AATF: variants seen among roughly 807,000 people sequenced by gnomAD.
The protein encoded by AATF is protein AATF.
AATF carries 48 observed loss-of-function variants against 63.7 expected under a neutral mutation model. That is an observed-to-expected ratio of 0.75 (90% CI 0.60 to 0.96). The LOEUF (loss-of-function observed/expected upper bound fraction) is 0.96, where lower values mean the gene tolerates loss of function less well. Ranked by LOEUF, AATF falls within the 40% of genes least tolerant of loss-of-function variation. The pLI is 0.00. For synonymous variants in AATF, 258 were observed against 247.7 expected, an observed-to-expected ratio of 1.04 and a Z score of -0.39; for missense variants, 639 against 685.7, an observed-to-expected ratio of 0.93 and a Z score of 0.76.
chr17:37,019,923 ACATTTAT>A (rs984271399), intron 9 of AATF, among the ~76,000 whole-genome samples: 1 of 152,194 alleles, frequency 6.6e-6, no homozygotes, highest in African/African-American at 2.4e-5. Context: ...ATTATATTGT[ACATTTAT>A]CTGACTTTAC....
chr17:36,985,296 C>T (rs1190099612), intron 4 of AATF, among the ~76,000 whole-genome samples: 1 of 151,856 alleles, frequency 6.6e-6, no homozygotes, highest in African/African-American at 2.4e-5. Flanking sequence ...AGGGTCTCAC[C>T]TTCACTCTAT....
At chr17:37,020,267 A>G (rs2071459069) in intron 9 of AATF, among the ~76,000 whole-genome samples, 1 of 152,014 alleles carries the variant, frequency 6.6e-6, no homozygotes, top group African/African-American at 2.4e-5. Flanking sequence ...CTGACTGAAT[A>G]TTTGATAATA....
intron 4 of AATF, among the ~76,000 whole-genome samples, chr17:36,958,422 C>T (rs2142208703): frequency 6.6e-6 from 1 of 152,284 alleles, no homozygotes. Flanking sequence ...ACCTTGGCCT[C>T]TCAAAGTGCT....
At chr17:36,978,081 T>C (rs1343480637) in intron 4 of AATF, among the ~76,000 whole-genome samples, 1 of 152,178 alleles carries the variant, frequency 6.6e-6, no homozygotes, top group Non-Finnish European at 1.5e-5. Context: ...TCCACAGAAC[T>C]CAAATGCACA....
intron 8 of AATF, among the ~76,000 whole-genome samples, chr17:37,011,645 C>G (rs2071391883): frequency 6.6e-6 from 1 of 151,932 alleles, no homozygotes; most frequent in African/African-American, 2.4e-5. Context: ...TAATGGCTGG[C>G]TAGAGGGGCT....
chr17:37,034,926 C>T (rs1488508972), intron 11 of AATF: 1 of 151,684 alleles, frequency 6.6e-6, no homozygotes, highest in Non-Finnish European at 1.5e-5. Flanking sequence ...GAGATCAAGA[C>T]CATCCTGGCT....
chr17:37,038,733 C>G (rs576981713), intron 11 of AATF, among the ~76,000 whole-genome samples: 5 of 152,178 alleles, frequency 3.3e-5, no homozygotes, highest in Admixed American at 3.3e-4. Context: ...AATTTTAGCT[C>G]CCTGTTCTCT....
At chr17:36,960,496 A>G (rs1205688986) in intron 4 of AATF, among the ~76,000 whole-genome samples, 3 of 152,248 alleles carry the variant, frequency 2.0e-5, no homozygotes, top group East Asian at 1.9e-4. Flanking sequence ...ACTAAAGACT[A>G]TATATACAGT....
chr17:36,998,689 G>C (rs1405990614), intron 8 of AATF: 1 of 152,112 alleles, frequency 6.6e-6, no homozygotes, highest in Non-Finnish European at 1.5e-5. Flanking sequence ...GGAGTTCAAG[G>C]CCAGCCTGGA....
intron 8 of AATF, among the ~76,000 whole-genome samples, chr17:37,016,699 T>C (rs1413694708): frequency 2.0e-5 from 3 of 152,090 alleles, no homozygotes; most frequent in Non-Finnish European, 4.4e-5. Context: ...CTTCAGCCAA[T>C]ATCTCAAATC....
chr17:36,996,603 T>C (rs1183439725), intron 8 of AATF, among the ~76,000 whole-genome samples: 1 of 152,214 alleles, frequency 6.6e-6, no homozygotes, highest in East Asian at 1.9e-4. Context: ...AAGAATGTTA[T>C]TGGAACTGCA....
chr17:37,055,057 T>C (rs2071786883), intron 11 of AATF: 1 of 152,262 alleles, frequency 6.6e-6, no homozygotes, highest in East Asian at 1.9e-4. Context: ...TCTGGGCTGA[T>C]TGAGGCTAGT....
intron 4 of AATF, among the ~76,000 whole-genome samples, chr17:36,971,533 A>G (rs1264400161): frequency 2.0e-5 from 3 of 152,250 alleles, no homozygotes; most frequent in Non-Finnish European, 2.9e-5. Flanking sequence ...AAAGCTAAAC[A>G]TATATTCATC....
chr17:36,952,143 G>C (rs146424908), intron 2 of AATF, among the ~76,000 whole-genome samples: 1 of 152,220 alleles, frequency 6.6e-6, no homozygotes, highest in African/African-American at 2.4e-5. Flanking sequence ...CTGCACTCCA[G>C]TGCGTTTTCC....
chr17:36,985,694 C>A (rs1231117641), intron 4 of AATF, among the ~76,000 whole-genome samples: 3 of 151,946 alleles, frequency 2.0e-5, no homozygotes, highest in African/African-American at 7.3e-5. Flanking sequence ...CAGCCACCCA[C>A]CACCACCCTC....
rs182911691 is a variant in AATF at position 36,964,746 on chromosome 17, C to A, written c.832+10839C>A. Among the ~76,000 whole-genome samples the A allele has an allele frequency of 7.8e-4, 118 of 150,904 alleles. 1 individual carries two copies. The Middle Eastern group carries it at 0.014, about 17-fold the overall frequency. On this transcript the variant is annotated intron_variant, in intron 4 of 11. Transcript: ENST00000619387. ...CGCTTCCTATTTATTTATTTTTTCC[C>A]TTTTGCCCCCCTCCCCCCCACTGTA...
intron 8 of AATF, among the ~76,000 whole-genome samples, chr17:37,003,667 G>A (rs375998124): frequency 2.0e-5 from 3 of 150,690 alleles, no homozygotes; most frequent in African/African-American, 7.3e-5. Flanking sequence ...GGGTTTTGCC[G>A]TGTTGCCCAG....
At chr17:37,011,599 A>C (rs2076388350) in intron 8 of AATF, among the ~76,000 whole-genome samples, 1 of 152,194 alleles carries the variant, frequency 6.6e-6, no homozygotes, top group Non-Finnish European at 1.5e-5. Flanking sequence ...AGAAGAAAAT[A>C]AAGATTGGAA....
At chr17:37,052,152 A>G (rs2071757827) in intron 11 of AATF, 1 of 152,172 alleles carries the variant, frequency 6.6e-6, no homozygotes, top group Admixed American at 6.5e-5. Context: ...AGTGATTTGC[A>G]TCTTGATTCT....
Sources: allele counts gnomAD v4.1 joint callset (sites outside exome capture counted in the v4.1 genomes callset), GRCh38; gene constraint gnomAD v4.1.1; transcripts MANE v1.5; gene names NCBI Gene and HGNC (gene_info 2026-07-23, HGNC 2026-07-21).